The following SAP130 variants were observed in gnomAD, a reference collection of about 807,000 sequenced individuals.
The protein encoded by SAP130 is Sin3A associated protein 130.
A neutral mutation model predicts 103.2 loss-of-function variants in SAP130; 16 were observed. That is an observed-to-expected ratio of 0.16 (90% confidence interval 0.10 to 0.24). The LOEUF (loss-of-function observed/expected upper bound fraction) is 0.24, where lower values mean the gene tolerates loss of function less well. Among genes scored for constraint, SAP130 ranks in the 10% least tolerant of loss-of-function variants. The pLI is 1.00. For missense variants in SAP130, 990 were observed against 1,359.7 expected, an observed-to-expected ratio of 0.73 and a Z score of 4.28; for synonymous variants, 477 against 497.0, an observed-to-expected ratio of 0.96 and a Z score of 0.53.
At chr2:128,018,884 TCAGGAGTTC>T (rs1453302455) in intron 2 of SAP130, among the ~76,000 whole-genome samples, 6 of 151,608 alleles carry the variant, frequency 4.0e-5, no homozygotes, top group Non-Finnish European at 5.9e-5. Flanking sequence ...TCATTTGAAG[TCAGGAGTTC>T]CAGGCCAGCC....
Position 127,941,902 on chromosome 2 carries a change from CT to C in SAP130, c.*103del. The stretch of plus-strand genomic sequence containing the variant: ...GCTTTCACACGGGAACTAAGGAACA[CT>C]TCCTTTATTTCAATGTTCCACTTTG... On this transcript the variant is annotated 3_prime_UTR_variant, in exon 21 of 21. Coordinates refer to ENST00000643581, the MANE Select transcript of SAP130 (RefSeq NM_001330301.2). 1 of 936,252 alleles carries C rather than the reference CT, an allele frequency of 1.1e-6. No individual in the cohort carries two copies. Among genetic ancestry groups the C allele is most frequent in the East Asian group, 2.6e-5 (1 of 38,222 alleles). The allele number at this position is 936,252 out of a possible 1,614,324, so 58.0% of individuals were successfully genotyped here.
chr2:127,968,243 G>A (rs1330954378), intron 15 of SAP130, among the ~76,000 whole-genome samples: 2 of 151,424 alleles, frequency 1.3e-5, no homozygotes, highest in South Asian at 4.2e-4. Context: ...GGAGTAGCTG[G>A]GGATTACAGG....
At chr2:127,980,169 G>A (rs374806418) in intron 14 of SAP130, among the ~76,000 whole-genome samples, 2 of 152,032 alleles carry the variant, frequency 1.3e-5, no homozygotes, top group South Asian at 2.1e-4. Flanking sequence ...TTGACCCACC[G>A]TGCCTGGCCA....
At chr2:128,021,793 T>C (rs1292289324) in intron 2 of SAP130, among the ~76,000 whole-genome samples, 1 of 152,206 alleles carries the variant, frequency 6.6e-6, no homozygotes, top group East Asian at 1.9e-4. Context: ...TTGCTTGATA[T>C]ACAGCCATTC....
chr2:127,974,212 C>A (rs575558850), intron 15 of SAP130, among the ~76,000 whole-genome samples: 1 of 152,270 alleles, frequency 6.6e-6, no homozygotes, highest in East Asian at 1.9e-4. Flanking sequence ...TAAAATAAGT[C>A]AGATCATGTC....
intron 4 of SAP130, among the ~76,000 whole-genome samples, chr2:128,015,628 C>T (rs1684716123): frequency 6.6e-6 from 1 of 152,090 alleles, no homozygotes; most frequent in South Asian, 2.1e-4. Flanking sequence ...AACCTTAAAA[C>T]AGAAGACTTC....
At chr2:128,009,948 C>A (rs1490415443) in intron 7 of SAP130, among the ~76,000 whole-genome samples, 1 of 152,166 alleles carries the variant, frequency 6.6e-6, no homozygotes, top group East Asian at 1.9e-4. Flanking sequence ...CCTCTCCGAC[C>A]ACATTACATG....
Position 127,941,846 on chromosome 2 carries a change from T to C in SAP130, c.*160A>G, listed in dbSNP as rs1292779345. 1.5e-6 allele frequency: 1 copy of C among 684,984 alleles called. No homozygotes were observed. Among genetic ancestry groups the C allele is most frequent in the Non-Finnish European group, 2.5e-6 (1 of 406,648 alleles). 42.4% of individuals were successfully genotyped at this position (684,984 alleles called of 1,614,324 possible). A position where few individuals can be genotyped will look rare whatever the true frequency, so the allele number is the denominator to read the frequency against. On this transcript the variant is annotated 3_prime_UTR_variant, in exon 21 of 21. Coordinates refer to ENST00000643581, the MANE Select transcript of SAP130 (RefSeq NM_001330301.2). ...CACTATGTCCAGTCAGCTCTGATCCTTTCACGCCCTTGGATGTCATGGGTT... is the reference window on the plus strand; with the variant it reads ...CACTATGTCCAGTCAGCTCTGATCCCTTCACGCCCTTGGATGTCATGGGTT...
At chr2:128,018,450 A>T (rs1407315964) in intron 2 of SAP130, among the ~76,000 whole-genome samples, 1 of 136,978 alleles carries the variant, frequency 7.3e-6, no homozygotes, top group Non-Finnish European at 1.5e-5. Context: ...CCGTCACTGC[A>T]CTCTAGCCTG....
At chr2:127,968,425 T>G (rs1167176301) in intron 15 of SAP130, among the ~76,000 whole-genome samples, 4 of 150,828 alleles carry the variant, frequency 2.7e-5, no homozygotes, top group Admixed American at 6.6e-5. Flanking sequence ...TTTTTTTTTT[T>G]TTTTTTTTTT....
chr2:127,966,962 A>T (rs1407224968), intron 15 of SAP130, among the ~76,000 whole-genome samples: 1 of 152,204 alleles, frequency 6.6e-6, no homozygotes, highest in African/African-American at 2.4e-5. Flanking sequence ...ACAAAATGTG[A>T]AACGATGGAA....
intron 1 of SAP130, among the ~76,000 whole-genome samples, chr2:128,026,840 C>T (rs2105274390): frequency 6.6e-6 from 1 of 152,352 alleles, no homozygotes. Flanking sequence ...TCCTTCTCTT[C>T]CACAGATCCC....
At chr2:127,974,221 T>C (rs1681291875) in intron 15 of SAP130, among the ~76,000 whole-genome samples, 1 of 152,168 alleles carries the variant, frequency 6.6e-6, no homozygotes, top group South Asian at 2.1e-4. Context: ...TCAGATCATG[T>C]CACTCCTATG....
chr2:127,957,106 G>A (rs1462678327), intron 15 of SAP130, among the ~76,000 whole-genome samples: 1 of 152,146 alleles, frequency 6.6e-6, no homozygotes, highest in Non-Finnish European at 1.5e-5. Flanking sequence ...ATCGAGACCA[G>A]CCTGGGCAAA....
intron 12 of SAP130, among the ~76,000 whole-genome samples, chr2:127,990,769 T>C (rs1682731950): frequency 1.3e-5 from 2 of 151,152 alleles, no homozygotes; most frequent in Non-Finnish European, 3.0e-5. Context: ...GGCAAGACCC[T>C]ATCTCTATAA....
chr2:127,994,292 A>G (rs1683026057), intron 11 of SAP130, among the ~76,000 whole-genome samples: 1 of 152,208 alleles, frequency 6.6e-6, no homozygotes, highest in Non-Finnish European at 1.5e-5. Context: ...GCACTTTGGG[A>G]GACTGAGGCA....
chr2:127,966,375 C>T (rs1680659387), intron 15 of SAP130, among the ~76,000 whole-genome samples: 1 of 151,712 alleles, frequency 6.6e-6, no homozygotes, highest in Admixed American at 6.6e-5. Flanking sequence ...AACAAACAAA[C>T]TTCATTGTAA....
intron 19 of SAP130, among the ~76,000 whole-genome samples, chr2:127,944,505 C>T (rs1678932078): frequency 1.3e-5 from 2 of 151,960 alleles, no homozygotes; most frequent in Non-Finnish European, 2.9e-5. Flanking sequence ...TCTCTGCTCA[C>T]TGCAACCTCC....
At chr2:127,981,124 C>G (rs1424100482) in intron 14 of SAP130, among the ~76,000 whole-genome samples, 1 of 152,054 alleles carries the variant, frequency 6.6e-6, no homozygotes, top group Non-Finnish European at 1.5e-5. Context: ...CTCCTCACAG[C>G]TACCCGAGGG....
Sources: gnomAD v4.1 joint callset for allele counts (sites outside exome capture counted in the v4.1 genomes callset) on GRCh38, gnomAD v4.1.1 for gene constraint, MANE v1.5 for transcripts, NCBI Gene and HGNC (gene_info 2026-07-23, HGNC 2026-07-21) for gene names.